LRRK2: variants seen among roughly 807,000 people sequenced by gnomAD.
LRRK2 encodes leucine-rich repeat serine/threonine-protein kinase 2.
LRRK2 carries 203 observed loss-of-function variants against 302.6 expected under a neutral mutation model. The ratio of observed to expected loss-of-function variants is 0.67; its 90% CI spans 0.60 to 0.75. LRRK2 has a LOEUF of 0.75. Among genes scored for constraint, LRRK2 ranks in the 30% least tolerant of loss-of-function variants. The pLI, the probability that LRRK2 is intolerant of heterozygous loss-of-function variation, is 0.00. For missense variants in LRRK2, 2,830 were observed against 2,951.0 expected (o/e 0.96, Z 0.95); for synonymous variants, 1,066 against 1,031.9 (o/e 1.03, Z -0.63).
intron 23 of LRRK2, among the ~76,000 whole-genome samples, chr12:40,297,937 C>T (rs185225006): frequency 1.1e-4 from 17 of 151,966 alleles, no homozygotes; most frequent in East Asian, 5.8e-4. Flanking sequence ...TTTGTTGAGG[C>T]GTATTCTGCT....
chr12:40,243,927 ATTATC>A (rs909632694), intron 7 of LRRK2, among the ~76,000 whole-genome samples: 18 of 152,112 alleles, frequency 1.2e-4, no homozygotes, highest in Non-Finnish European at 2.5e-4. Flanking sequence ...TAAAAGAAGT[ATTATC>A]TTAATCTTAT....
chr12:40,225,490 TA>T, intron 1 of LRRK2, 64 bp from the exon 2 acceptor site: 1 of 1,451,880 alleles, frequency 6.9e-7, no homozygotes, highest in Non-Finnish European at 9.7e-7. Context: ...CGTTTCAGAC[TA>T]AAAAGGAGAG....
In LRRK2 at chr12:40,240,485, TCAGAGGAG is replaced by T; in HGVS notation, c.577_584del (p.Glu193ThrfsTer3). ...GTATTTTGTCTTTCATTTTTAAGTC[TCAGAGGAG>T]CAACTGACTGAATTTGTTGAGAACA... On this transcript the variant is annotated frameshift_variant, in exon 6 of 51. Coordinates refer to ENST00000298910, the MANE Select transcript of LRRK2 (RefSeq NM_198578.4). LOFTEE classifies it high-confidence loss of function. The T allele has an allele frequency of 6.2e-7, 1 of 1,612,602 alleles. No homozygotes were observed. Among genetic ancestry groups the T allele is most frequent in the Non-Finnish European group, 8.5e-7 (1 of 1,179,098 alleles).
chr12:40,360,621 G>T (rs1357380120), intron 47 of LRRK2, among the ~76,000 whole-genome samples: 1 of 152,066 alleles, frequency 6.6e-6, no homozygotes, highest in Non-Finnish European at 1.5e-5. Flanking sequence ...TCAATCTGAT[G>T]CAATTTTCCT....
chr12:40,361,793 C>T (rs371143759), intron 47 of LRRK2, among the ~76,000 whole-genome samples: 1 of 152,036 alleles, frequency 6.6e-6, no homozygotes, highest in African/African-American at 2.4e-5. Context: ...GCCTTGGTCT[C>T]TACCCCACAA....
In LRRK2 at chr12:40,257,446, C is replaced by T. The variant is rs11564272; in HGVS notation, c.1418+69C>T. ...CCAGGTAGAATATCAATATTTCAAG[C>T]ATATTTCTAACAATGAAAAGAAAAA... On this transcript the variant is annotated intron_variant, in intron 12 of 50. Transcript: ENST00000298910. The T allele has an allele frequency of 4.9e-4, 759 of 1,533,930 alleles. 8 individuals carry two copies. The Admixed American group carries it at 0.013, about 26-fold the overall frequency.
intron 21 of LRRK2, among the ~76,000 whole-genome samples, chr12:40,294,023 C>G (rs1339682164): frequency 2.6e-5 from 4 of 151,596 alleles, no homozygotes; most frequent in African/African-American, 9.7e-5. Context: ...CCCATGAACA[C>G]TTTAGCTAGA....
At chr12:40,241,020 G>A (rs917212052) in intron 6 of LRRK2, among the ~76,000 whole-genome samples, 1 of 152,230 alleles carries the variant, frequency 6.6e-6, no homozygotes, top group African/African-American at 2.4e-5. Context: ...GGTGTGACCT[G>A]AAGTGAGAAT....
At chr12:40,261,210 A>T (rs1440155664) in intron 13 of LRRK2, among the ~76,000 whole-genome samples, 2 of 152,196 alleles carry the variant, frequency 1.3e-5, no homozygotes, top group African/African-American at 2.4e-5. Flanking sequence ...GTAATTAAAA[A>T]CAATAAAAAT....
At chr12:40,238,169 G>T in intron 5 of LRRK2, 66 bp downstream of exon 5, 1 of 1,473,094 alleles carries the variant, frequency 6.8e-7, no homozygotes, top group South Asian at 1.2e-5. Context: ...GGGAAAAGTA[G>T]AACACAGTTA....
chr12:40,336,115 G>C (rs1316545005), intron 40 of LRRK2, among the ~76,000 whole-genome samples: 1 of 152,128 alleles, frequency 6.6e-6, no homozygotes, highest in East Asian at 1.9e-4. Flanking sequence ...ACTTGTTCCT[G>C]TTATTACCCC....
chr12:40,241,054 G>T lies in LRRK2; in HGVS notation c.706+437G>T, dbSNP rs17490692. 3.7e-3 allele frequency among the ~76,000 whole-genome samples: 561 copies of T among 152,320 alleles called. 1 individual carries two copies. The highest frequency in any genetic ancestry group is 0.013 in the African/African-American group (541 of 41,562). On this transcript the variant is annotated intron_variant, in intron 6 of 50. Transcript: ENST00000298910. ...ATGCAGGCAAAGTGGCCCAGGCAGTGGGCATGGTTAATGTAAAGATGCTGG... is the reference window on the plus strand; with the variant it reads ...ATGCAGGCAAAGTGGCCCAGGCAGTTGGCATGGTTAATGTAAAGATGCTGG...
intron 31 of LRRK2, among the ~76,000 whole-genome samples, chr12:40,311,933 T>G (rs1384376168): frequency 1.3e-5 from 2 of 150,910 alleles, no homozygotes; most frequent in East Asian, 3.9e-4. Flanking sequence ...TACACAAAAT[T>G]TATTCATCCA....
At chr12:40,257,486 A>C in intron 12 of LRRK2, 109 bp downstream of exon 12, 13 of 1,322,228 alleles carry the variant, frequency 9.8e-6, no homozygotes, top group Non-Finnish European at 1.4e-5. Context: ...AACATAAGAC[A>C]CTTGAAAACT....
chr12:40,308,999 A>G, intron 29 of LRRK2, 107 bp from the exon 30 acceptor site: 1 of 1,223,052 alleles, frequency 8.2e-7, no homozygotes. Context: ...TTCTCTTATT[A>G]GTATGCTAAA....
chr12:40,356,211 T>G, intron 46 of LRRK2, 24 bp downstream of exon 46: 1 of 1,537,966 alleles, frequency 6.5e-7, no homozygotes, highest in Non-Finnish European at 8.9e-7. Context: ...GCATTCTACA[T>G]CTAAATTTAT....
intron 21 of LRRK2, 73 bp downstream of exon 21, chr12:40,293,736 C>A: frequency 9.9e-7 from 1 of 1,011,398 alleles, no homozygotes; most frequent in Non-Finnish European, 1.6e-6. Flanking sequence ...AAAATTTATG[C>A]CAAAGCTAGG....
chr12:40,250,531 C>T (rs1358086405), intron 8 of LRRK2, among the ~76,000 whole-genome samples: 3 of 152,160 alleles, frequency 2.0e-5, no homozygotes, highest in Admixed American at 6.5e-5. Flanking sequence ...CTGGTGTACA[C>T]GTGCAGGATG....
In LRRK2 at chr12:40,243,640, T is replaced by A; in HGVS notation, c.797T>A (p.Ile266Asn). The A allele has an allele frequency of 6.2e-7, 1 of 1,612,110 alleles. No individual in the cohort carries two copies. ...AAAGCATTCCCTATGAGTGAAAGAA[T>A]TCAAGAAGTGAGTTGCTGTTTGCTC... ...AMKAFPMSER[I>N]QEVSCCLLHR... The change falls in exon 7 of 51, where the codon ATT becomes AAT. Residue 266 changes from isoleucine to asparagine, a missense_variant. By Grantham distance (149) the Ile-to-Asn change is moderately radical. Around this residue, in one of 3 missense-constraint regions of LRRK2, gnomAD observed 2,121 missense variants for 2,148.0 expected, o/e 0.99. Transcript: ENST00000298910.
Sources: allele counts gnomAD v4.1 joint callset (sites outside exome capture counted in the v4.1 genomes callset), GRCh38; gene constraint gnomAD v4.1.1; regional missense constraint gnomAD v4.1.1; transcripts MANE v1.5; gene names NCBI Gene and HGNC (gene_info 2026-07-23, HGNC 2026-07-21).